The following AGRN variants were observed in gnomAD, a reference collection of about 807,000 sequenced individuals.
The protein encoded by AGRN is agrin proteoglycan.
AGRN carries 106 observed loss-of-function variants against 211.0 expected under a neutral mutation model. That is an observed-to-expected ratio of 0.50 (90% CI 0.43 to 0.59). The LOEUF is 0.59. AGRN is among the 20% of genes least tolerant of loss of function. The probability of loss-of-function intolerance (pLI) is 0.00; values close to 1 mark genes in which losing one functional copy is unlikely to be tolerated. For synonymous variants in AGRN, 1,525 were observed against 1,332.5 expected (o/e 1.14, Z -3.15); for missense variants, 3,040 against 2,982.6 (o/e 1.02, Z -0.45).
At chr1:1,052,494 G>A (rs946524508) in intron 33 of AGRN, 3 of 259,258 alleles carry the variant, frequency 1.2e-5, no homozygotes, top group Non-Finnish European at 2.3e-5. Context: ...GTATATGAGG[G>A]AGACATGCAG....
intron 2 of AGRN, among the ~76,000 whole-genome samples, chr1:1,025,656 C>T (rs1206409789): frequency 6.6e-6 from 1 of 152,138 alleles, no homozygotes; most frequent in Non-Finnish European, 1.5e-5. Flanking sequence ...CTCTCTGGCC[C>T]TCCCCCAGGC....
intron 2 of AGRN, among the ~76,000 whole-genome samples, chr1:1,029,386 G>T (rs1570152436): frequency 1.3e-5 from 1 of 77,508 alleles, no homozygotes; most frequent in African/African-American, 4.7e-5. Context: ...CAGGTGGGGG[G>T]ATCAGTGTCT....
chr1:1,049,643 A>T lies in AGRN; in HGVS notation c.4592A>T (p.Glu1531Val). Reference sequence around the variant, plus strand: ...CTGGACGTCAACAACCAGCGCCTGGAGCTTGGCATTGGGCCGGGGGCTGCC... The same window carrying T: ...CTGGACGTCAACAACCAGCGCCTGGTGCTTGGCATTGGGCCGGGGGCTGCC... ...RLLDVNNQRL[E>V]LGIGPGAATR... is the part of the protein sequence containing the mutation. The change falls in exon 26 of 36, where the codon GAG becomes GTG. Residue 1531 changes from glutamate (E) to valine (V), a missense_variant. Around this residue, in one of 3 missense-constraint regions of AGRN, gnomAD observed 1,537 missense variants for 1,505.0 expected, o/e 1.02. Transcript: ENST00000379370. 6.3e-7 allele frequency: 1 copy of T among 1,586,536 alleles called. No homozygotes were observed. Among genetic ancestry groups the T allele is most frequent in the Non-Finnish European group, 8.6e-7 (1 of 1,167,546 alleles).
In AGRN at chr1:1,046,723, G is replaced by T; in HGVS notation, c.3238G>T (p.Gly1080Cys). ...ELSGDQEASG[G>C]GSGGLEPLEG... ...GAGCGGGGACCAGGAGGCCAGTGGG[G>T]GTGGCTCTGGGGGTGAGCAGGGATC... Residue 1080 changes from glycine (G) to cysteine (C), a missense_variant, in exon 18 of 36, where the codon GGT (glycine) becomes TGT (cysteine). Gly to Cys is a radical substitution (Grantham distance 159). Transcript: ENST00000379370. The T allele has an allele frequency of 6.3e-7, 1 of 1,580,064 alleles. No homozygotes were observed. Among genetic ancestry groups the T allele is most frequent in the Non-Finnish European group, 8.6e-7 (1 of 1,168,724 alleles).
At chr1:1,026,714 C>T (rs369572018) in intron 2 of AGRN, among the ~76,000 whole-genome samples, 1 of 152,158 alleles carries the variant, frequency 6.6e-6, no homozygotes, top group Admixed American at 6.5e-5. Context: ...GGGGCTGGGG[C>T]TGCAGACGGA....
rs1308456779 is a variant in AGRN, at chr1:1,053,904, G to A, written c.5803G>A (p.Gly1935Ser). ...DGHLQLSYNL[G>S]SQPVVLRSTV... The stretch of plus-strand genomic sequence containing the variant: ...GCACCTGCAACTGAGCTACAACCTG[G>A]GCTCCCAGCCCGTGGTGCTGCGTTC... Residue 1935 changes from glycine to serine, a missense_variant, in exon 34 of 36, where the codon GGC becomes AGC. This residue lies in a region of AGRN where 1,537 missense variants were observed against 1,505.0 expected (regional missense o/e 1.02). Transcript: ENST00000379370. The A allele has an allele frequency of 6.2e-7, 1 of 1,608,208 alleles. No homozygotes were observed. Among genetic ancestry groups the A allele is most frequent in the South Asian group, 1.1e-5 (1 of 89,972 alleles).
At position 1,032,477 on chromosome 1, in the gene AGRN, A is replaced by C. The variant is rs1644694528; in HGVS notation, c.464-2800A>C. The stretch of plus-strand genomic sequence containing the variant: ...GAGGCGTTGGGGAGAGTCCAGATGG[A>C]GGCCATGGGGTTGAGGGGCCCAGAC... On this transcript the variant is annotated intron_variant, in intron 2 of 35. Transcript: ENST00000379370. This position sits in a 1 kb window ranked among gnomAD's most constrained non-coding sequence, Gnocchi z 4.7. 6.6e-6 allele frequency among the ~76,000 whole-genome samples: 1 copy of C among 152,058 alleles called. No homozygotes were observed. Among genetic ancestry groups the C allele is most frequent in the Admixed American group, 6.6e-5 (1 of 15,266 alleles).
At chr1:1,043,171 G>A in intron 7 of AGRN, 68 bp from the exon 8 acceptor site, 1 of 1,510,384 alleles carries the variant, frequency 6.6e-7, no homozygotes, top group Non-Finnish European at 9.0e-7. Flanking sequence ...CTGCTGCGTG[G>A]GGCTGGGGGC....
In AGRN at chr1:1,046,871, A is replaced by C; in HGVS notation, c.3302A>C (p.Glu1101Ala). 1 of 1,587,448 alleles carries C rather than the reference A, an allele frequency of 6.3e-7. No individual in the cohort carries two copies. Among genetic ancestry groups the C allele is most frequent in the Non-Finnish European group, 8.6e-7 (1 of 1,168,666 alleles). ...SSVATPGPPVERASCYNSALG... is the reference protein window; with the variant it reads ...SSVATPGPPVARASCYNSALG... ...GTGGCCACCCCTGGGCCACCTGTCG[A>C]GAGGGCTTCCTGCTACAACTCCGCG... The change falls in exon 19 of 36, where the codon GAG (glutamate) becomes GCG (alanine). Residue 1101 changes from glutamate (E) to alanine (A), a missense_variant. Physicochemically the swap from Glu to Ala is moderately radical, Grantham distance 107 (BLOSUM62 -1). Around this residue, in one of 3 missense-constraint regions of AGRN, gnomAD observed 1,537 missense variants for 1,505.0 expected, o/e 1.02. Coordinates refer to ENST00000379370, the MANE Select transcript of AGRN (RefSeq NM_198576.4).
At chr1:1,053,358 C>T (rs965658195) in intron 33 of AGRN, 22 of 1,087,382 alleles carry the variant, frequency 2.0e-5, no homozygotes, top group Admixed American at 3.4e-5. Context: ...TCACGCATGT[C>T]TTCTGTGGGT....
Position 1,049,579 on chromosome 1 carries a change from A to C in AGRN, c.4528A>C (p.Thr1510Pro). The C allele has an allele frequency of 6.3e-7, 1 of 1,589,622 alleles. No homozygotes were observed. The highest frequency in any genetic ancestry group is 8.6e-7 in the Non-Finnish European group (1 of 1,169,290). Residue 1510 changes from threonine to proline, a missense_variant, in exon 26 of 36, where the codon ACC (threonine) becomes CCC (proline). Physicochemically the swap from Thr to Pro is conservative, Grantham distance 38. Around this residue, in one of 3 missense-constraint regions of AGRN, gnomAD observed 1,537 missense variants for 1,505.0 expected, o/e 1.02. Transcript: ENST00000379370. Reference protein sequence around the residue: ...EDQAAVALERTFVGAGLRGCI... With the variant: ...EDQAAVALERPFVGAGLRGCI... ...TCCTGGTGGCAGGGCGCTGGAGCGG[A>C]CCTTCGTGGGCGCCGGCCTGAGGGG... is the stretch of plus-strand genomic sequence containing the variant.
chr1:1,034,042 G>A (rs1045879999), intron 2 of AGRN: 3 of 853,744 alleles, frequency 3.5e-6, no homozygotes, highest in Admixed American at 6.2e-5. Context: ...GGGAGCCCGG[G>A]ACCCGGCGCG....
At chr1:1,039,716 A>ATG (rs1250557051) in intron 3 of AGRN, among the ~76,000 whole-genome samples, 1 of 151,994 alleles carries the variant, frequency 6.6e-6, no homozygotes, top group Non-Finnish European at 1.5e-5. Context: ...AAGAACTAAA[A>ATG]TGAGCAACAG....
chr1:1,046,359 CCCAA>C (rs760236105), intron 17 of AGRN, 34 bp from the exon 18 acceptor site: 2 of 1,601,290 alleles, frequency 1.2e-6, no homozygotes, highest in Non-Finnish European at 1.7e-6. Context: ...CTGACCCTGT[CCCAA>C]CCGGTCCCCC....
At chr1:1,047,200 C>T (rs752662516) in intron 19 of AGRN, 127 bp from the exon 20 acceptor site, 111 of 1,465,384 alleles carry the variant, frequency 7.6e-5, no homozygotes, top group Non-Finnish European at 9.2e-5. Context: ...TCCCCACTAA[C>T]CTCATGACCA....
rs1157375846 is a variant in AGRN at position 1,042,029 on chromosome 1, C to T, written c.1251C>T (p.Asp417=). 4.3e-6 allele frequency: 7 copies of T among 1,610,454 alleles called. No homozygotes were observed. The highest frequency in any genetic ancestry group is 2.2e-5 in the South Asian group (2 of 91,054). The change falls in exon 7 of 36, where the codon GAC becomes GAT. Residue 417 remains aspartate, a synonymous_variant. Coordinates refer to ENST00000379370, the MANE Select transcript of AGRN (RefSeq NM_198576.4). ...GTGGCCGTCCCCGCTGCTCCTGCGA[C>T]CGCGTCACCTGTGACGGGGCCTACA... ...SRRGRPRCSC[D]RVTCDGAYRP... is the part of the protein sequence containing the mutation.
intron 2 of AGRN, among the ~76,000 whole-genome samples, chr1:1,029,386 G>GAC (rs1553172510): frequency 1.3e-5 from 1 of 77,510 alleles, no homozygotes; most frequent in Non-Finnish European, 2.6e-5. Context: ...CAGGTGGGGG[G>GAC]ATCAGTGTCT....
At chr1:1,040,640 G>T in intron 3 of AGRN, 25 bp from the exon 4 acceptor site, 1 of 1,546,594 alleles carries the variant, frequency 6.5e-7, no homozygotes, top group Non-Finnish European at 8.7e-7. Flanking sequence ...TCGGCACCCT[G>T]AGCTTTCTCC....
At chr1:1,029,644 T>TGC (rs1644608070) in intron 2 of AGRN, among the ~76,000 whole-genome samples, 1 of 122,054 alleles carries the variant, frequency 8.2e-6, no homozygotes, top group Non-Finnish European at 1.8e-5. Context: ...TGTGTGTGTG[T>TGC]GCAGTGCATG....
Sources: gnomAD v4.1 joint callset for allele counts (sites outside exome capture counted in the v4.1 genomes callset) on GRCh38, gnomAD v4.1.1 for gene constraint, gnomAD v4.1.1 regional missense constraint, Gnocchi (gnomAD v3.1) non-coding constraint, MANE v1.5 for transcripts, NCBI Gene and HGNC (gene_info 2026-07-23, HGNC 2026-07-21) for gene names.